The following PARN variants were observed in gnomAD, a reference collection of about 807,000 sequenced individuals.
PARN encodes the protein poly(A)-specific ribonuclease PARN.
A neutral mutation model predicts 102.8 loss-of-function variants in PARN; 71 were observed. That is an observed-to-expected ratio of 0.69 (90% CI 0.57 to 0.84). The LOEUF is 0.84. PARN is among the 40% of genes least tolerant of loss of function. The probability of loss-of-function intolerance (pLI) is 0.00; values close to 1 mark genes in which losing one functional copy is unlikely to be tolerated. For synonymous variants in PARN, 261 were observed against 252.9 expected (o/e 1.03, Z -0.30); for missense variants, 782 against 760.9 (o/e 1.03, Z -0.33).
chr16:14,496,752 A>G (rs1964337620), intron 21 of PARN, among the ~76,000 whole-genome samples: 1 of 152,234 alleles, frequency 6.6e-6, no homozygotes, highest in Admixed American at 6.5e-5. Context: ...AGGTCTGCTT[A>G]TTACATATTA....
chr16:14,594,882 A>T (rs1254022860), intron 12 of PARN, among the ~76,000 whole-genome samples: 3 of 152,234 alleles, frequency 2.0e-5, no homozygotes, highest in Non-Finnish European at 4.4e-5. Context: ...ATTGGTGTAC[A>T]TTCTGAATAC....
At chr16:14,621,365 T>A (rs1014538135) in intron 5 of PARN, among the ~76,000 whole-genome samples, 1 of 152,220 alleles carries the variant, frequency 6.6e-6, no homozygotes, top group African/African-American at 2.4e-5. Context: ...GAGTCATCTA[T>A]GCCTTTCCTG....
intron 22 of PARN, among the ~76,000 whole-genome samples, chr16:14,468,267 A>C (rs1235976354): frequency 5.3e-5 from 8 of 152,246 alleles, no homozygotes; most frequent in Admixed American, 5.2e-4. Flanking sequence ...TGTGAAGATT[A>C]AGAAACAAAA....
intron 21 of PARN, among the ~76,000 whole-genome samples, chr16:14,503,375 G>A (rs1964722437): frequency 1.3e-5 from 2 of 152,202 alleles, no homozygotes; most frequent in Non-Finnish European, 1.5e-5. Flanking sequence ...TATGAGAAAA[G>A]CGTAATGCAG....
chr16:14,630,217 C>CTG lies in PARN; in HGVS notation c.-94_-93dup, dbSNP rs1322635581. The stretch of plus-strand genomic sequence containing the variant: ...AATTCCGCGGCGACTGCGGCAGTAG[C>CTG]TGAGGCAGCCGCAGCGGTGACGCCG... On this transcript the variant is annotated 5_prime_UTR_variant, in exon 1 of 24. Transcript: ENST00000437198. 2.2e-5 allele frequency: 25 copies of CTG among 1,154,084 alleles called. No homozygotes were observed. 71.5% of individuals were successfully genotyped at this position (1,154,084 alleles called of 1,614,324 possible).
chr16:14,584,222 AAGTGAATTC>A, intron 16 of PARN, 116 bp downstream of exon 16: 1 of 640,308 alleles, frequency 1.6e-6, no homozygotes, highest in Non-Finnish European at 2.8e-6. Flanking sequence ...CGGTACGTGC[AAGTGAATTC>A]AGCCAAAATC....
At chr16:14,581,804 C>T (rs1038817438) in intron 17 of PARN, among the ~76,000 whole-genome samples, 1 of 152,078 alleles carries the variant, frequency 6.6e-6, no homozygotes, top group Non-Finnish European at 1.5e-5. Flanking sequence ...ACCAGTAGTC[C>T]CAGCTACTTG....
chr16:14,627,392 A>C (rs1972743388), intron 3 of PARN, 56 bp from the exon 4 acceptor site: 2 of 1,271,622 alleles, frequency 1.6e-6, no homozygotes, highest in South Asian at 2.5e-5. Flanking sequence ...CCATGTGAGC[A>C]TAGCATTCTC....
rs1971364831 is a variant in PARN, at chr16:14,609,098, T to C, written c.580A>G (p.Ser194Gly). 5 of 1,561,174 alleles carry C rather than the reference T, an allele frequency of 3.2e-6. No individual in the cohort carries two copies. The highest frequency in any genetic ancestry group is 1.1e-5 in the South Asian group (1 of 86,966). The stretch of plus-strand genomic sequence containing the variant: ...AAATCCAAGTTCTTGTTTTCTTCAC[T>C]TTGTAATAAATCCTCTATTTTCTCT... ...VVEKIEDLLQ[S>G]EENKNLDLEP... Residue 194 changes from serine (S) to glycine (G), a missense_variant, in exon 8 of 24, where the codon AGT (serine) becomes GGT (glycine). By Grantham distance (56) the Ser-to-Gly change is moderately conservative (BLOSUM62 0). Transcript: ENST00000437198.
intron 11 of PARN, among the ~76,000 whole-genome samples, chr16:14,600,424 C>T (rs1010721363): frequency 3.3e-5 from 5 of 152,098 alleles, no homozygotes; most frequent in Non-Finnish European, 7.4e-5. Context: ...AATTCTCCCA[C>T]CCACCTTCTT....
chr16:14,540,777 C>T (rs1966811451), intron 21 of PARN, among the ~76,000 whole-genome samples: 1 of 151,870 alleles, frequency 6.6e-6, no homozygotes, highest in African/African-American at 2.4e-5. Flanking sequence ...CATGGCAAAT[C>T]CTTATCTCTA....
chr16:14,583,167 G>C (rs961918629), intron 16 of PARN, among the ~76,000 whole-genome samples: 1 of 152,164 alleles, frequency 6.6e-6, no homozygotes, highest in African/African-American at 2.4e-5. Context: ...GATGTGACCA[G>C]ATAAACTATA....
At chr16:14,551,582 C>G (rs1348014371) in intron 21 of PARN, among the ~76,000 whole-genome samples, 1 of 152,028 alleles carries the variant, frequency 6.6e-6, no homozygotes, top group Non-Finnish European at 1.5e-5. Context: ...ACAACAACAA[C>G]AATGACAACA....
At chr16:14,571,197 A>AACTTC (rs1322770647) in intron 18 of PARN, among the ~76,000 whole-genome samples, 1 of 152,096 alleles carries the variant, frequency 6.6e-6, no homozygotes, top group Non-Finnish European at 1.5e-5. Flanking sequence ...CAGCCTAGCC[A>AACTTC]ACTTGGTGAA....
At chr16:14,570,858 T>C (rs1214176890) in intron 18 of PARN, among the ~76,000 whole-genome samples, 1 of 147,692 alleles carries the variant, frequency 6.8e-6, no homozygotes, top group Admixed American at 6.8e-5. Flanking sequence ...CATGGTGGCA[T>C]GCGCCTTTGG....
chr16:14,613,838 CAT>C (rs1390795244), intron 6 of PARN, among the ~76,000 whole-genome samples: 3 of 152,072 alleles, frequency 2.0e-5, no homozygotes, highest in Non-Finnish European at 2.9e-5. Flanking sequence ...GAAGAATACA[CAT>C]AGAGGAGAAG....
At chr16:14,600,509 A>T (rs1851460721) in intron 11 of PARN, among the ~76,000 whole-genome samples, 1 of 152,026 alleles carries the variant, frequency 6.6e-6, no homozygotes, top group Non-Finnish European at 1.5e-5. Flanking sequence ...CCCCTCCTCT[A>T]AGATCTCTCA....
rs529442784 is a variant in PARN at position 14,445,111 on chromosome 16, A to G, written c.1864+1777T>C. Among the ~76,000 whole-genome samples, 14 of 143,262 alleles carry G rather than the reference A, an allele frequency of 9.8e-5. No individual in the cohort carries two copies. In the East Asian group the frequency reaches 2.7e-3, roughly 28 times the overall value. The allele number at this position is 143,262 out of a possible 152,430, so 94.0% of individuals were successfully genotyped here. ...CCAGAGTGGTGGGATTATAGTTGTG[A>G]GCTACCATGCCTGGCCCCCTCCAAT... On this transcript the variant is annotated intron_variant, in intron 23 of 23. Transcript: ENST00000437198.
At chr16:14,600,082 T>C (rs1970785960) in intron 11 of PARN, 122 bp from the exon 12 acceptor site, 3 of 543,838 alleles carry the variant, frequency 5.5e-6, no homozygotes, top group Middle Eastern at 4.8e-4. Flanking sequence ...TTTAGTTTCC[T>C]GTGCTTTGCG....
Sources: allele counts gnomAD v4.1 joint callset (sites outside exome capture counted in the v4.1 genomes callset), GRCh38; gene constraint gnomAD v4.1.1; transcripts MANE v1.5; gene names NCBI Gene and HGNC (gene_info 2026-07-23, HGNC 2026-07-21).